The following LACTBL1 variants were observed in gnomAD, a reference collection of about 807,000 sequenced individuals.
LACTBL1 encodes beta-lactamase-like protein 1.
Under a neutral mutation model 39.6 loss-of-function variants are expected in LACTBL1, and 29 were observed. That is an observed-to-expected ratio of 0.73 (90% CI 0.55 to 1.00). LACTBL1 has a LOEUF of 1.00. LACTBL1 is among the 50% of genes least tolerant of loss of function. The pLI is 0.00. For synonymous variants in LACTBL1, 361 were observed against 360.7 expected (o/e 1.00, Z -0.01); for missense variants, 711 against 748.5 (o/e 0.95, Z 0.59).
At chr1:22,969,755 C>G (rs192046898), upstream of LACTBL1, among the ~76,000 whole-genome samples, 263 of 152,282 alleles carry the variant, frequency 1.7e-3, 1 homozygote, top group Admixed American at 2.7e-3. Flanking sequence ...CCATAGGCAT[C>G]TGTGAAGCCT....
At chr1:22,967,677 TTATAA>T (rs1640897425), upstream of LACTBL1, among the ~76,000 whole-genome samples, 1 of 151,206 alleles carries the variant, frequency 6.6e-6, no homozygotes, top group Non-Finnish European at 1.5e-5. Context: ...ACAGACAGAC[TTATAA>T]TGTAATGAAT....
At chr1:22,969,558 A>G (rs1315105300), upstream of LACTBL1, among the ~76,000 whole-genome samples, 1 of 151,982 alleles carries the variant, frequency 6.6e-6, no homozygotes, top group African/African-American at 2.4e-5. Flanking sequence ...GGCAAGAGAG[A>G]CTTTCTATGA....
At chr1:22,965,149 CTGGACTCAGAATGGAGTCCAGAGCT>C in intron 1 of LACTBL1, 116 bp downstream of exon 3, 1 of 635,176 alleles carries the variant, frequency 1.6e-6, no homozygotes, top group Non-Finnish European at 2.3e-6. Context: ...CTAGTGAGAG[CTGGACTCAGAATGGAGTCCAGAGCT>C]TCTGAGTCTA....
the LACTBL1 span, chr1:22,972,336 A>T: frequency 2.0e-6 from 2 of 985,184 alleles, no homozygotes; most frequent in Non-Finnish European, 2.4e-6. Context: ...GGCATGGAAG[A>T]TTCTGGCTCT....
chr1:22,959,278 G>A (rs1269889563), intron 3 of LACTBL1, among the ~76,000 whole-genome samples: 1 of 152,212 alleles, frequency 6.6e-6, no homozygotes, highest in Non-Finnish European at 1.5e-5. Flanking sequence ...TGCTTCACCG[G>A]TTGTATTAAT....
exon 5 of LACTBL1, chr1:22,955,424 G>A: frequency 6.5e-7 from 1 of 1,548,146 alleles, no homozygotes; most frequent in Non-Finnish European, 8.7e-7. Context: ...CTTCTGGGCA[G>A]CCCTAGGGAG....
At chr1:22,970,350 C>A in the LACTBL1 span, among the ~76,000 whole-genome samples, 1 of 152,134 alleles carries the variant, frequency 6.6e-6, no homozygotes, top group African/African-American at 2.4e-5. Context: ...ATAAGCCAGA[C>A]TAAATGGTTA....
chr1:22,958,110 CTT>C, intron 4 of LACTBL1, among the ~76,000 whole-genome samples: 1 of 152,078 alleles, frequency 6.6e-6, no homozygotes, highest in East Asian at 1.9e-4. Flanking sequence ...CAAATATAAA[CTT>C]TTTTTCTTTT....
exon 3 of LACTBL1, chr1:22,960,087 G>A: frequency 6.4e-7 from 1 of 1,550,630 alleles, no homozygotes; most frequent in Non-Finnish European, 8.7e-7. Context: ...GCCTGGCGCA[G>A]GATCTGGTCC....
chr1:22,967,136 A>C (rs1640887927), upstream of LACTBL1, among the ~76,000 whole-genome samples: 1 of 152,188 alleles, frequency 6.6e-6, no homozygotes, highest in African/African-American at 2.4e-5. Context: ...TGAGAGGCCA[A>C]GGCGGGTGGA....
chr1:22,970,809 C>CAAAA, the LACTBL1 span, among the ~76,000 whole-genome samples: 1 of 80,192 alleles, frequency 1.2e-5, no homozygotes, highest in Non-Finnish European at 2.6e-5. Context: ...GACCCTGTCT[C>CAAAA]AAAAAAAAAA....
At chr1:22,954,835 C>T (rs79599917) in intron 5 of LACTBL1, among the ~76,000 whole-genome samples, 4,041 of 152,258 alleles carry the variant, frequency 0.027, 84 homozygotes, top group Non-Finnish European at 0.044. Context: ...AGAAGGGGGC[C>T]CCTGAAGCTG....
chr1:22,962,582 C>T (rs1167399609), intron 2 of LACTBL1, among the ~76,000 whole-genome samples: 4 of 152,076 alleles, frequency 2.6e-5, no homozygotes, highest in Non-Finnish European at 5.9e-5. Flanking sequence ...CTCTGTCATC[C>T]TCTCCTGTCT....
intron 2 of LACTBL1, among the ~76,000 whole-genome samples, chr1:22,960,317 T>TA (rs1390774772): frequency 6.6e-6 from 1 of 152,146 alleles, no homozygotes; most frequent in East Asian, 1.9e-4. Flanking sequence ...GAGAGGGGGT[T>TA]AAAACGACTG....
intron 4 of LACTBL1, among the ~76,000 whole-genome samples, chr1:22,956,273 G>A (rs1169729568): frequency 6.6e-6 from 1 of 151,874 alleles, no homozygotes; most frequent in African/African-American, 2.4e-5. Flanking sequence ...TTGGGAGGCT[G>A]AGGCAGGAGG....
At chr1:22,956,492 T>G (rs1160145239) in intron 4 of LACTBL1, among the ~76,000 whole-genome samples, 1 of 152,182 alleles carries the variant, frequency 6.6e-6, no homozygotes. Context: ...TGTAAAATGA[T>G]GACATGGTGG....
At chr1:22,958,689 G>C in exon 4 of LACTBL1, 1 of 1,544,874 alleles carries the variant, frequency 6.5e-7, no homozygotes, top group Non-Finnish European at 8.7e-7. Flanking sequence ...ACTCACCTGA[G>C]AGCTGGCTGG....
upstream of LACTBL1, among the ~76,000 whole-genome samples, chr1:22,966,497 A>G (rs990045889): frequency 6.6e-6 from 1 of 152,204 alleles, no homozygotes. Flanking sequence ...GAGAAATGAA[A>G]GGAGACATCA....
At chr1:22,954,530 G>A (rs1640742853) in intron 5 of LACTBL1, among the ~76,000 whole-genome samples, 3 of 152,198 alleles carry the variant, frequency 2.0e-5, no homozygotes. Context: ...GTGCAAGGAT[G>A]TGTGAAAATT....
Sources: allele counts gnomAD v4.1 joint callset (sites outside exome capture counted in the v4.1 genomes callset), GRCh38; gene constraint gnomAD v4.1.1; transcripts MANE v1.5; gene names NCBI Gene and HGNC (gene_info 2026-07-23, HGNC 2026-07-21).